MTRR: variants seen among roughly 807,000 people sequenced by gnomAD.
MTRR encodes methionine synthase reductase.
Under a neutral mutation model 79.2 loss-of-function variants are expected in MTRR, and 63 were observed. The ratio of observed to expected loss-of-function variants is 0.80; its 90% CI spans 0.65 to 0.98. The LOEUF (loss-of-function observed/expected upper bound fraction) is 0.98, where lower values mean the gene tolerates loss of function less well. Ranked by LOEUF, MTRR falls within the 50% of genes least tolerant of loss-of-function variation. MTRR has a pLI of 0.00. For missense variants in MTRR, 895 were observed against 839.6 expected (o/e 1.07, Z -0.82); for synonymous variants, 355 against 313.3 (o/e 1.13, Z -1.41).
intron 9 of MTRR, 142 bp downstream of exon 9, chr5:7,889,417 T>A (rs1737180507): frequency 2.3e-6 from 2 of 877,946 alleles, no homozygotes; most frequent in East Asian, 5.3e-5. Flanking sequence ...TGAATGGTGG[T>A]GATTGGTAAG....
upstream of MTRR, chr5:7,869,131 A>C (rs749058136): frequency 6.2e-7 from 1 of 1,613,482 alleles, no homozygotes. Context: ...CTGGGTACCG[A>C]GCATGGGCGC....
At chr5:7,875,413 C>T in intron 4 of MTRR, 38 bp downstream of exon 4, 1 of 1,445,138 alleles carries the variant, frequency 6.9e-7, no homozygotes, top group Non-Finnish European at 9.7e-7. Flanking sequence ...AATAAGCCCT[C>T]TATACATGAT....
At chr5:7,868,763 AT>A (rs1283898418), upstream of MTRR, among the ~76,000 whole-genome samples, 1 of 152,062 alleles carries the variant, frequency 6.6e-6, no homozygotes, top group East Asian at 1.9e-4. Flanking sequence ...GTGCGGGGGG[AT>A]TTGGCAACAC....
chr5:7,861,019 AATAATTGCTGCCTG>A (rs1303041662), intron 1 of MTRR: 29 of 600,892 alleles, frequency 4.8e-5, no homozygotes, highest in Non-Finnish European at 6.8e-5. Context: ...TGTCCAGTTC[AATAATTGCTGCCTG>A]ATCAAATTCT....
In MTRR at chr5:7,885,869, G is replaced by T; in HGVS notation, c.1057+15G>T. On this transcript the variant is annotated intron_variant, in intron 7 of 14. Transcript: ENST00000440940. ...AAAGAAGAAAGGTAACAGCCCTGAT[G>T]CTGTGACGTTGGGGTGTTGTGGGCC... is the stretch of plus-strand genomic sequence containing the variant. The T allele has an allele frequency of 6.2e-7, 1 of 1,614,076 alleles. No individual in the cohort carries two copies. The highest frequency in any genetic ancestry group is 8.5e-7 in the Non-Finnish European group (1 of 1,179,976).
At chr5:7,885,577 A>G in intron 6 of MTRR, 124 bp from the exon 7 acceptor site, 1 of 929,604 alleles carries the variant, frequency 1.1e-6, no homozygotes, top group Non-Finnish European at 1.6e-6. Context: ...TTTTTTTGAA[A>G]TTCTATTTTC....
chr5:7,875,521 G>T, intron 4 of MTRR, 146 bp downstream of exon 4: 1 of 786,582 alleles, frequency 1.3e-6, no homozygotes, highest in Non-Finnish European at 2.2e-6. Context: ...GATCCAAGAG[G>T]GTCAGCCAGA....
upstream of MTRR, chr5:7,869,006 T>G: frequency 9.4e-7 from 1 of 1,064,926 alleles, no homozygotes; most frequent in East Asian, 2.4e-5. Context: ...TCACTCCGGG[T>G]GGTCGCGGAA....
intron 14 of MTRR, among the ~76,000 whole-genome samples, chr5:7,899,031 A>G (rs1739018770): frequency 6.6e-6 from 1 of 152,072 alleles, no homozygotes; most frequent in Non-Finnish European, 1.5e-5. Flanking sequence ...GGGAGCAGGC[A>G]CCTCACACGG....
At chr5:7,888,689 T>G (rs1737021391) in intron 8 of MTRR, among the ~76,000 whole-genome samples, 1 of 152,196 alleles carries the variant, frequency 6.6e-6, no homozygotes, top group East Asian at 1.9e-4. Context: ...GCAGTACCCA[T>G]TAGCATTTCA....
At chr5:7,896,034 G>C (rs558857930) in intron 12 of MTRR, among the ~76,000 whole-genome samples, 182 bp downstream of exon 12, 4 of 152,300 alleles carry the variant, frequency 2.6e-5, no homozygotes, top group Admixed American at 1.3e-4. Flanking sequence ...ATTGTGCTTT[G>C]TACTAGAACT....
intron 6 of MTRR, 77 bp downstream of exon 6, chr5:7,883,354 A>C: frequency 6.3e-7 from 1 of 1,588,088 alleles, no homozygotes; most frequent in Non-Finnish European, 8.6e-7. Flanking sequence ...GCTTGGTTAT[A>C]TATGCTGAGT....
At chr5:7,857,994 G>A (rs773067907) in intron 1 of MTRR, among the ~76,000 whole-genome samples, 1 of 152,152 alleles carries the variant, frequency 6.6e-6, no homozygotes, top group Non-Finnish European at 1.5e-5. Flanking sequence ...ATAACAGACC[G>A]TCATTACCTC....
chr5:7,863,900 G>A (rs1319291791), intron 2 of MTRR, among the ~76,000 whole-genome samples: 1 of 152,092 alleles, frequency 6.6e-6, no homozygotes, highest in Non-Finnish European at 1.5e-5. Flanking sequence ...GCCCAGGCTG[G>A]AGTACAATGA....
intron 2 of MTRR, chr5:7,872,163 A>T (rs1748097910): frequency 2.4e-6 from 1 of 419,830 alleles, no homozygotes; most frequent in Admixed American, 2.8e-5. Context: ...TTAACACACA[A>T]CTTACATAGA....
intron 8 of MTRR, among the ~76,000 whole-genome samples, chr5:7,887,491 C>G (rs1186872441): frequency 2.7e-5 from 4 of 149,352 alleles, no homozygotes; most frequent in Non-Finnish European, 4.5e-5. Flanking sequence ...CATTTCTAGT[C>G]TTGGGTGAGT....
chr5:7,867,365 A>T, upstream of MTRR: 1 of 1,560,702 alleles, frequency 6.4e-7, no homozygotes. Flanking sequence ...AAGTTGATTT[A>T]TAATGAGTTC....
In MTRR at chr5:7,892,784, G is replaced by C; in HGVS notation, c.1428G>C (p.Leu476=). The change falls in exon 11 of 15, where the codon CTG becomes CTC. Residue 476 remains leucine (L), a synonymous_variant. Coordinates refer to ENST00000440940, the MANE Select transcript of MTRR (RefSeq NM_002454.3). Reference sequence around the variant, plus strand: ...TTGTCTTCAACATTGTGGAATTTCTGTCTACTGCCACAACAGAGGTTCTGC... The same window carrying C: ...TTGTCTTCAACATTGTGGAATTTCTCTCTACTGCCACAACAGAGGTTCTGC... The part of the protein sequence containing the change: ...LHFVFNIVEF[L]STATTEVLRK... The C allele has an allele frequency of 6.2e-7, 1 of 1,614,210 alleles. No homozygotes were observed. Among genetic ancestry groups the C allele is most frequent in the South Asian group, 1.1e-5 (1 of 91,088 alleles).
In MTRR at chr5:7,877,940, C is replaced by G; in HGVS notation, c.402-4C>G. On this transcript the variant is annotated splice_region_variant and splice_polypyrimidine_tract_variant and intron_variant, in intron 4 of 14. Coordinates refer to ENST00000440940, the MANE Select transcript of MTRR (RefSeq NM_002454.3). ...TTTGTTTTTCGTTTGTTTTTACTGT[C>G]CAGTTTAGAACTTGTGGTTGAGCCG... 2 of 1,612,322 alleles carry G rather than the reference C, an allele frequency of 1.2e-6. No individual in the cohort carries two copies. Among genetic ancestry groups the G allele is most frequent in the Admixed American group, 1.7e-5 (1 of 59,948 alleles).
Sources: gnomAD v4.1 joint callset for allele counts (sites outside exome capture counted in the v4.1 genomes callset) on GRCh38, gnomAD v4.1.1 for gene constraint, MANE v1.5 for transcripts, NCBI Gene and HGNC (gene_info 2026-07-23, HGNC 2026-07-21) for gene names.